FCHO2: variants seen among roughly 807,000 people sequenced by gnomAD.
The protein encoded by FCHO2 is F-BAR domain only protein 2.
In FCHO2, 43 loss-of-function variants were observed where a neutral mutation model predicts 114.1. That is an observed-to-expected ratio of 0.38 (90% confidence interval 0.30 to 0.49). FCHO2 has a LOEUF of 0.49. FCHO2 is among the 20% of genes least tolerant of loss of function. The pLI, the probability that FCHO2 is intolerant of heterozygous loss-of-function variation, is 0.97. For missense variants in FCHO2, 807 were observed against 950.4 expected (o/e 0.85, Z 1.98); for synonymous variants, 293 against 315.2 (o/e 0.93, Z 0.75).
At chr5:73,030,059 T>G (rs1330757708) in intron 8 of FCHO2, among the ~76,000 whole-genome samples, 3 of 151,258 alleles carry the variant, frequency 2.0e-5, no homozygotes, top group Non-Finnish European at 4.4e-5. Context: ...TTTTTTTTTT[T>G]GAGACAGAGT....
At chr5:72,963,130 C>T (rs890699948) in intron 1 of FCHO2, among the ~76,000 whole-genome samples, 14 of 152,226 alleles carry the variant, frequency 9.2e-5, no homozygotes, top group Admixed American at 4.6e-4. Context: ...GATAGTCATG[C>T]TCCCTGATGT....
At chr5:73,023,167 A>G (rs968575449) in intron 8 of FCHO2, among the ~76,000 whole-genome samples, 1 of 152,220 alleles carries the variant, frequency 6.6e-6, no homozygotes, top group Non-Finnish European at 1.5e-5. Flanking sequence ...ACTGTAGTAC[A>G]TTGTAGAATC....
rs1355462759 is a variant in FCHO2 at position 72,990,813 on chromosome 5, A to G, written c.444A>G (p.Val148=). The G allele has an allele frequency of 6.4e-7, 1 of 1,552,260 alleles. No individual in the cohort carries two copies. Among genetic ancestry groups the G allele is most frequent in the Non-Finnish European group, 8.7e-7 (1 of 1,147,208 alleles). ...KSKENYNAKC[V]EQERLKKEGA... ...AGGAAAATTACAATGCCAAGTGTGT[A>G]GAACAGGAGCGTTTGAAAAAGGAAG... Residue 148 remains valine, a synonymous_variant, in exon 5 of 26, where the codon GTA becomes GTG. Coordinates refer to ENST00000430046, the MANE Select transcript of FCHO2 (RefSeq NM_138782.3).
chr5:72,957,301 G>A (rs1751606741), intron 1 of FCHO2, among the ~76,000 whole-genome samples: 2 of 152,090 alleles, frequency 1.3e-5, no homozygotes, highest in Non-Finnish European at 2.9e-5. Context: ...TCATAGAGTT[G>A]TGTAAACATC....
intron 18 of FCHO2, among the ~76,000 whole-genome samples, chr5:73,065,702 C>T (rs1051593730): frequency 4.6e-5 from 7 of 151,950 alleles, no homozygotes; most frequent in African/African-American, 1.4e-4. Flanking sequence ...TTGTTTTCTA[C>T]TTGCAAATAT....
At chr5:73,033,626 A>G (rs777484485) in intron 8 of FCHO2, among the ~76,000 whole-genome samples, 1 of 152,108 alleles carries the variant, frequency 6.6e-6, no homozygotes, top group African/African-American at 2.4e-5. Flanking sequence ...AAGTTATACC[A>G]GTTACCATTA....
At chr5:73,027,852 A>C (rs2112777981) in intron 8 of FCHO2, among the ~76,000 whole-genome samples, 1 of 152,282 alleles carries the variant, frequency 6.6e-6, no homozygotes, top group Non-Finnish European at 1.5e-5. Context: ...ACAGATTAAA[A>C]CCACAAGAAA....
rs1580169547 is a variant in FCHO2, at chr5:73,051,459, C to A, written c.997+53C>A. The A allele has an allele frequency of 5.9e-6, 7 of 1,177,818 alleles. No individual in the cohort carries two copies. In the East Asian group the frequency reaches 1.9e-4, roughly 32 times the overall value. 73.0% of individuals were successfully genotyped at this position (1,177,818 alleles called of 1,614,324 possible). On this transcript the variant is annotated intron_variant, in intron 12 of 25. Coordinates refer to ENST00000430046, the MANE Select transcript of FCHO2 (RefSeq NM_138782.3). ...AGGATTATGTTGGCATATAAGTAGG[C>A]AGTTATAAGAAAATCATGTATTAAA...
chr5:72,990,870 C>T lies in FCHO2; in HGVS notation c.495+6C>T. On this transcript the variant is annotated splice_donor_region_variant and intron_variant, in intron 5 of 25. Transcript: ENST00000430046. ...CACAAAGAGAAATAGAAAAGGTAAT[C>T]ATAATAAAAATTACATATCTGTGGT... 4 of 1,533,762 alleles carry T rather than the reference C, an allele frequency of 2.6e-6. No individual in the cohort carries two copies. The highest frequency in any genetic ancestry group is 3.5e-6 in the Non-Finnish European group (4 of 1,141,186).
intron 13 of FCHO2, among the ~76,000 whole-genome samples, chr5:73,053,269 C>A: frequency 6.6e-6 from 1 of 152,116 alleles, no homozygotes. Flanking sequence ...GTGGTTTTCT[C>A]CCAGTCATGT....
At position 73,076,046 on chromosome 5, in the gene FCHO2, T is replaced by A. The variant is rs114536703; in HGVS notation, c.1691+1193T>A. ...CTCCAGTGTTTAGAAAACAGGAAGA[T>A]GAGAATGATTTAACAAAGGAATTTG... On this transcript the variant is annotated intron_variant, in intron 20 of 25. Transcript: ENST00000430046. 7.6e-3 allele frequency among the ~76,000 whole-genome samples: 1,164 copies of A among 152,184 alleles called. 13 individuals carry two copies. Among genetic ancestry groups the A allele is most frequent in the African/African-American group, 0.027 (1,115 of 41,550 alleles).
intron 5 of FCHO2, among the ~76,000 whole-genome samples, chr5:72,997,811 G>A (rs1754206019): frequency 6.6e-6 from 1 of 152,210 alleles, no homozygotes; most frequent in Non-Finnish European, 1.5e-5. Context: ...CTGGATGGAC[G>A]CATGGGCCTG....
At chr5:73,039,901 T>C (rs1278951427) in intron 10 of FCHO2, among the ~76,000 whole-genome samples, 2 of 147,548 alleles carry the variant, frequency 1.4e-5, no homozygotes, top group Non-Finnish European at 3.0e-5. Context: ...GAACTCCATC[T>C]AGCCTGGGTG....
intron 19 of FCHO2, 30 bp from the exon 20 acceptor site, chr5:73,074,712 G>C (rs570340459): frequency 1.0e-5 from 16 of 1,578,032 alleles, no homozygotes; most frequent in Non-Finnish European, 1.4e-5. Context: ...CTTTCTGAAG[G>C]ATTTAACAAG....
At chr5:72,981,636 T>G (rs906827098) in intron 2 of FCHO2, among the ~76,000 whole-genome samples, 3 of 152,212 alleles carry the variant, frequency 2.0e-5, no homozygotes, top group African/African-American at 4.8e-5. Flanking sequence ...GGAGGCTTTG[T>G]TTGTTCCTTT....
intron 18 of FCHO2, among the ~76,000 whole-genome samples, chr5:73,065,021 C>G (rs1757999601): frequency 6.6e-6 from 1 of 151,818 alleles, no homozygotes; most frequent in Non-Finnish European, 1.5e-5. Context: ...GTCTCATATC[C>G]TCAGTACTTT....
intron 1 of FCHO2, among the ~76,000 whole-genome samples, chr5:72,956,379 C>T (rs539190505): frequency 3.3e-5 from 5 of 151,716 alleles, no homozygotes; most frequent in East Asian, 2.0e-4. Context: ...CGCCGGCCAC[C>T]GGGGCTGGGA....
intron 2 of FCHO2, among the ~76,000 whole-genome samples, chr5:72,987,293 A>G (rs889345738): frequency 6.6e-6 from 1 of 152,180 alleles, no homozygotes; most frequent in African/African-American, 2.4e-5. Context: ...CAAAAAATAT[A>G]TAGATTTTGG....
intron 5 of FCHO2, among the ~76,000 whole-genome samples, chr5:72,999,378 C>CTTTTT (rs762347449): frequency 2.0e-5 from 2 of 100,560 alleles, no homozygotes; most frequent in Non-Finnish European, 1.9e-5. Context: ...ATTCACAGGC[C>CTTTTT]TTTTTTTTTT....
Sources: gnomAD v4.1 joint callset for allele counts (sites outside exome capture counted in the v4.1 genomes callset) on GRCh38, gnomAD v4.1.1 for gene constraint, MANE v1.5 for transcripts, NCBI Gene and HGNC (gene_info 2026-07-23, HGNC 2026-07-21) for gene names.